ABI1: variants seen among roughly 807,000 people sequenced by gnomAD.
The protein encoded by ABI1 is abl interactor 1.
ABI1 carries 14 observed loss-of-function variants against 54.6 expected under a neutral mutation model. The observed-to-expected ratio is 0.26, with a 90% CI of 0.17 to 0.40. ABI1 has a LOEUF of 0.40. Among genes scored for constraint, ABI1 ranks in the 10% least tolerant of loss-of-function variants. The pLI, the probability that ABI1 is intolerant of heterozygous loss-of-function variation, is 1.00. For synonymous variants in ABI1, 194 were observed against 209.3 expected, an observed-to-expected ratio of 0.93 and a Z score of 0.63; for missense variants, 443 against 598.3, an observed-to-expected ratio of 0.74 and a Z score of 2.71.
intron 10 of ABI1, among the ~76,000 whole-genome samples, chr10:26,749,489 T>A (rs1366467430): frequency 6.6e-6 from 1 of 152,196 alleles, no homozygotes; most frequent in Non-Finnish European, 1.5e-5. Flanking sequence ...CTTATACACA[T>A]AGTCTGAAGG....
chr10:26,793,445 C>A (rs1246775047), intron 2 of ABI1, among the ~76,000 whole-genome samples: 1 of 152,154 alleles, frequency 6.6e-6, no homozygotes, highest in African/African-American at 2.4e-5. Flanking sequence ...AAAAGATGAG[C>A]TGCAAAATCA....
intron 1 of ABI1, among the ~76,000 whole-genome samples, chr10:26,859,933 CA>C (rs1447011599): frequency 2.0e-5 from 3 of 152,014 alleles, no homozygotes; most frequent in African/African-American, 7.3e-5. Context: ...TTAATGATAG[CA>C]GCCCTAACAA....
At chr10:26,770,452 CCAGA>C (rs1840543531) in intron 4 of ABI1, 107 bp from the exon 5 acceptor site, 2 of 1,134,404 alleles carry the variant, frequency 1.8e-6, no homozygotes, top group Non-Finnish European at 2.7e-6. Context: ...TTAAGGATTC[CCAGA>C]CAGTTTGAAT....
At chr10:26,835,928 T>A (rs1007870402) in intron 1 of ABI1, among the ~76,000 whole-genome samples, 1 of 151,786 alleles carries the variant, frequency 6.6e-6, no homozygotes, top group Non-Finnish European at 1.5e-5. Context: ...TTTTTTTGCA[T>A]TTTTTGTAAA....
chr10:26,767,486 A>C (rs947259092), intron 6 of ABI1, among the ~76,000 whole-genome samples: 10 of 152,144 alleles, frequency 6.6e-5, no homozygotes, highest in Non-Finnish European at 1.0e-4. Context: ...TATATAATAA[A>C]TTTATCTGGT....
intron 1 of ABI1, among the ~76,000 whole-genome samples, chr10:26,857,413 G>A (rs1159270847): frequency 6.6e-6 from 1 of 151,192 alleles, no homozygotes; most frequent in African/African-American, 2.4e-5. Context: ...GGCCAAGGCA[G>A]GCAGACTGCT....
chr10:26,819,733 T>C (rs538542437), intron 2 of ABI1, among the ~76,000 whole-genome samples: 3 of 152,202 alleles, frequency 2.0e-5, no homozygotes, highest in Non-Finnish European at 4.4e-5. Context: ...TTATTCAGAA[T>C]AGCCAAGACA....
intron 7 of ABI1, among the ~76,000 whole-genome samples, chr10:26,760,316 G>A (rs1420245304): frequency 6.6e-6 from 1 of 152,102 alleles, no homozygotes; most frequent in Non-Finnish European, 1.5e-5. Context: ...CAATGACAGA[G>A]TAAGTAAAAA....
intron 4 of ABI1, 116 bp downstream of exon 4, chr10:26,770,959 A>T: frequency 9.4e-7 from 1 of 1,066,998 alleles, no homozygotes; most frequent in Non-Finnish European, 1.4e-6. Context: ...AATCTACATA[A>T]ATCCTACAGG....
intron 2 of ABI1, among the ~76,000 whole-genome samples, chr10:26,782,109 T>C (rs1202146331): frequency 6.6e-6 from 1 of 152,116 alleles, no homozygotes; most frequent in East Asian, 1.9e-4. Flanking sequence ...TGATGACACT[T>C]TTCCAGGGTC....
At chr10:26,793,702 T>C (rs1284273548) in intron 2 of ABI1, among the ~76,000 whole-genome samples, 3 of 152,240 alleles carry the variant, frequency 2.0e-5, no homozygotes, top group Non-Finnish European at 4.4e-5. Context: ...AATCATTTTT[T>C]ATCCAAACTA....
At chr10:26,848,329 G>T (rs2050143510) in intron 1 of ABI1, among the ~76,000 whole-genome samples, 1 of 151,142 alleles carries the variant, frequency 6.6e-6, no homozygotes, top group African/African-American at 2.4e-5. Flanking sequence ...ACTCAAATTA[G>T]AAATGAATGA....
chr10:26,819,212 C>A (rs1345341591), intron 2 of ABI1, among the ~76,000 whole-genome samples: 2 of 151,710 alleles, frequency 1.3e-5, no homozygotes, highest in Non-Finnish European at 2.9e-5. Context: ...AAATCAGCAC[C>A]CCCCCCAAAA....
At chr10:26,853,139 CA>C (rs1260509966) in intron 1 of ABI1, among the ~76,000 whole-genome samples, 1 of 146,174 alleles carries the variant, frequency 6.8e-6, no homozygotes, top group African/African-American at 2.5e-5. Flanking sequence ...CCTTTAAAAA[CA>C]AAATCGATGG....
At chr10:26,821,617 G>A (rs1266366935) in intron 2 of ABI1, among the ~76,000 whole-genome samples, 1 of 152,100 alleles carries the variant, frequency 6.6e-6, no homozygotes, top group African/African-American at 2.4e-5. Flanking sequence ...GGCCAACATG[G>A]CAAAACCCCG....
intron 2 of ABI1, among the ~76,000 whole-genome samples, chr10:26,781,750 A>G (rs994845959): frequency 2.0e-5 from 3 of 152,216 alleles, no homozygotes; most frequent in African/African-American, 7.2e-5. Context: ...GATCAATTGT[A>G]GTTGCTGATC....
At chr10:26,854,075 C>G (rs2050625627) in intron 1 of ABI1, among the ~76,000 whole-genome samples, 1 of 152,118 alleles carries the variant, frequency 6.6e-6, no homozygotes, top group African/African-American at 2.4e-5. Context: ...TATCTCCTTT[C>G]CACAAGGACT....
intron 3 of ABI1, among the ~76,000 whole-genome samples, chr10:26,772,505 G>T (rs1840817273): frequency 1.3e-5 from 2 of 152,030 alleles, no homozygotes; most frequent in Admixed American, 1.3e-4. Context: ...GTCCCAAATG[G>T]AAAGAATAAA....
intron 7 of ABI1, among the ~76,000 whole-genome samples, chr10:26,759,562 A>G (rs1564460348): frequency 1.3e-5 from 2 of 152,302 alleles, no homozygotes; most frequent in East Asian, 3.9e-4. Context: ...CATAGCTTTT[A>G]TATGTAAATT....
Sources: gnomAD v4.1 joint callset for allele counts (sites outside exome capture counted in the v4.1 genomes callset) on GRCh38, gnomAD v4.1.1 for gene constraint, MANE v1.5 for transcripts, NCBI Gene and HGNC (gene_info 2026-07-23, HGNC 2026-07-21) for gene names.